The following CNTRL variants were observed in gnomAD, a reference collection of about 807,000 sequenced individuals.
CNTRL encodes 110 kDa centrosomal protein.
In CNTRL, 233 loss-of-function variants were observed where a neutral mutation model predicts 303.7. That is an observed-to-expected ratio of 0.77 (90% confidence interval 0.69 to 0.86). CNTRL has a LOEUF of 0.86. Among genes scored for constraint, CNTRL ranks in the 40% least tolerant of loss-of-function variants. The pLI, the probability that CNTRL is intolerant of heterozygous loss-of-function variation, is 0.00. For missense variants in CNTRL, 2,524 were observed against 2,650.6 expected, an observed-to-expected ratio of 0.95 and a Z score of 1.05; for synonymous variants, 900 against 922.2, an observed-to-expected ratio of 0.98 and a Z score of 0.44.
intron 12 of CNTRL, chr9:121,122,028 A>G (rs10081760): frequency 0.66 from 397,316 of 603,460 alleles, 135,396 homozygotes; most frequent in South Asian, 0.89. Context: ...TGTTTTTACA[A>G]TAACTCTTTT....
At chr9:121,126,081 C>CTT in intron 14 of CNTRL, 145 bp downstream of exon 14, 3 of 551,238 alleles carry the variant, frequency 5.4e-6, no homozygotes, top group Admixed American at 6.6e-5. Flanking sequence ...AACAGTTGGG[C>CTT]TTTTTTTTTT....
intron 25 of CNTRL, chr9:121,150,793 G>C: frequency 3.4e-6 from 1 of 295,128 alleles, no homozygotes; most frequent in South Asian, 5.9e-5. Context: ...ACAGGAGTTA[G>C]GGTCTCAGGC....
At chr9:121,119,080 A>ATGTGTGTGTGTGTG (rs3047904) in intron 12 of CNTRL, among the ~76,000 whole-genome samples, 7 of 148,546 alleles carry the variant, frequency 4.7e-5, no homozygotes, top group African/African-American at 1.7e-4. Flanking sequence ...ACATAAATAT[A>ATGTGTGTGTGTGTG]TGTGTGTGTG....
rs200832609 is a variant in CNTRL, at chr9:121,096,581, G to A, written c.621+18G>A. On this transcript the variant is annotated intron_variant, in intron 6 of 43. Transcript: ENST00000373855. ...TATCATCGGTAAGTTATTCAAAATA[G>A]CAGGAATTTTTAGACTTGTTAAAAA... 1,767 of 1,404,498 alleles carry A rather than the reference G, an allele frequency of 1.3e-3. 10 individuals are homozygous for A. The highest frequency in any genetic ancestry group is 2.8e-3 in the Middle Eastern group (14 of 5,076). The allele number at this position is 1,404,498 out of a possible 1,614,324, so 87.0% of individuals were successfully genotyped here. A position where few individuals can be genotyped will look rare whatever the true frequency, so the allele number is the denominator to read the frequency against.
chr9:121,127,451 T>C (rs1248646482), intron 14 of CNTRL, among the ~76,000 whole-genome samples: 1 of 152,168 alleles, frequency 6.6e-6, no homozygotes, highest in Non-Finnish European at 1.5e-5. Context: ...ATGTGGGGGC[T>C]ACCATTCTTG....
chr9:121,097,583 G>A lies in CNTRL; in HGVS notation c.622-803G>A, dbSNP rs552819045. Among the ~76,000 whole-genome samples the A allele has an allele frequency of 6.8e-3, 541 of 79,526 alleles. 4 individuals carry two copies. Among genetic ancestry groups the A allele is most frequent in the African/African-American group, 0.018 (516 of 28,520 alleles). The allele number at this position is 79,526 out of a possible 152,430, so 52.2% of individuals were successfully genotyped here. A position where few individuals can be genotyped will look rare whatever the true frequency, so the allele number is the denominator to read the frequency against. Reference sequence around the variant, plus strand: ...TGCTTTCTAATTTCATCCTGTGACAGTCAAGAGCCTCAGAGCCCAAGCCCA... The same window carrying A: ...TGCTTTCTAATTTCATCCTGTGACAATCAAGAGCCTCAGAGCCCAAGCCCA... On this transcript the variant is annotated intron_variant, in intron 6 of 43. Transcript: ENST00000373855.
rs2051330625 is a variant in CNTRL at position 121,138,677 on chromosome 9, C to G, written c.2335C>G (p.Gln779Glu). The G allele has an allele frequency of 6.2e-7, 1 of 1,612,972 alleles. No homozygotes were observed. Among genetic ancestry groups the G allele is most frequent in the South Asian group, 1.1e-5 (1 of 90,912 alleles). ...SELHAKLKHL[Q>E]DDNNLLKQQL... The stretch of plus-strand genomic sequence containing the variant: ...GCTCCATGCAAAACTTAAACACTTG[C>G]AGGTAGAGATTTGTTGTTTTAGAAT... Residue 779 changes from glutamine (Q) to glutamate (E), a missense_variant and splice_region_variant, in exon 16 of 44, where the codon CAG becomes GAG. By Grantham distance (29) the Gln-to-Glu change is conservative. Transcript: ENST00000373855.
At chr9:121,122,378 A>T in intron 12 of CNTRL, 1 of 984,864 alleles carries the variant, frequency 1.0e-6, no homozygotes, top group Non-Finnish European at 1.2e-6. Context: ...TTAAGCTGCC[A>T]CTCTTTTGTT....
chr9:121,157,825 G>T lies in CNTRL; in HGVS notation c.4582G>T (p.Ala1528Ser), dbSNP rs761785958. 6.2e-7 allele frequency: 1 copy of T among 1,614,204 alleles called. No individual in the cohort carries two copies. Among genetic ancestry groups the T allele is most frequent in the Admixed American group, 1.7e-5 (1 of 60,010 alleles). The change falls in exon 29 of 44, where the codon GCA (alanine) becomes TCA (serine). Residue 1528 changes from alanine (A) to serine (S), a missense_variant. Transcript: ENST00000373855. ...GAAAGAAATAAACAAAATTGTAGCAGCAAAAGACTCAGACTTCCAATGTTT... is the reference window on the plus strand; with the variant it reads ...GAAAGAAATAAACAAAATTGTAGCATCAAAAGACTCAGACTTCCAATGTTT... ...ILKEINKIVA[A>S]KDSDFQCLSK...
rs112624076 is a variant in CNTRL, at chr9:121,142,997, T to G, written c.2871+727T>G. ...CTGACAAAACTGAAGCTCTCTGCTTTCTTTGGGCCAGCACTTCCACTGGTT... is the reference window on the plus strand; with the variant it reads ...CTGACAAAACTGAAGCTCTCTGCTTGCTTTGGGCCAGCACTTCCACTGGTT... On this transcript the variant is annotated intron_variant, in intron 19 of 43. Transcript: ENST00000373855. Among the ~76,000 whole-genome samples the G allele has an allele frequency of 1.1e-3, 171 of 152,312 alleles. 1 individual carries two copies. Among genetic ancestry groups the G allele is most frequent in the African/African-American group, 2.7e-3 (111 of 41,564 alleles).
chr9:121,124,311 G>T (rs529258183), intron 13 of CNTRL, among the ~76,000 whole-genome samples: 2 of 152,308 alleles, frequency 1.3e-5, no homozygotes, highest in Admixed American at 1.3e-4. Flanking sequence ...GGTCATTCCA[G>T]TCAGTAGGCC....
At chr9:121,087,935 AGAGTGCTCATC>A (rs1415896332) in intron 2 of CNTRL, among the ~76,000 whole-genome samples, 1 of 152,192 alleles carries the variant, frequency 6.6e-6, no homozygotes, top group Non-Finnish European at 1.5e-5. Flanking sequence ...GAGGAAGGAG[AGAGTGCTCATC>A]AGTATTAAAT....
At chr9:121,155,283 G>A (rs1327160469) in intron 27 of CNTRL, among the ~76,000 whole-genome samples, 1 of 151,978 alleles carries the variant, frequency 6.6e-6, no homozygotes, top group African/African-American at 2.4e-5. Context: ...TTTTTAAATA[G>A]GTCAATCTTT....
At chr9:121,141,771 G>GC (rs1412182031) in intron 18 of CNTRL, among the ~76,000 whole-genome samples, 183 bp downstream of exon 18, 1 of 152,196 alleles carries the variant, frequency 6.6e-6, no homozygotes, top group Admixed American at 6.5e-5. Context: ...TCAAAGTCAG[G>GC]CTTGTTTGTG....
intron 19 of CNTRL, 22 bp from the exon 20 acceptor site, chr9:121,143,877 TTTAA>T (rs1336599430): frequency 6.4e-7 from 1 of 1,552,968 alleles, no homozygotes; most frequent in East Asian, 2.3e-5. Context: ...GATTCATCTG[TTTAA>T]TTAATATTTC....
chr9:121,141,428 A>T lies in CNTRL; in HGVS notation c.2531A>T (p.Gln844Leu). ...TTAGGGAAAAGTCTTGCTGATTTAC[A>T]GAAACAATTCAGTGAAATTCTTGCA... ...DVLGKSLADL[Q>L]KQFSEILARS... The change falls in exon 18 of 44, where the codon CAG becomes CTG. Residue 844 changes from glutamine to leucine, a missense_variant. Transcript: ENST00000373855. 6.2e-7 allele frequency: 1 copy of T among 1,614,102 alleles called. No individual in the cohort carries two copies. The highest frequency in any genetic ancestry group is 8.5e-7 in the Non-Finnish European group (1 of 1,179,976).
At chr9:121,136,148 C>CT (rs1381193128) in intron 15 of CNTRL, among the ~76,000 whole-genome samples, 166 bp downstream of exon 15, 1 of 152,064 alleles carries the variant, frequency 6.6e-6, no homozygotes, top group Non-Finnish European at 1.5e-5. Context: ...GTGCTAATAA[C>CT]TACCCCTGTG....
chr9:121,135,810 T>A lies in CNTRL; in HGVS notation c.2030T>A (p.Leu677His). ...AMDAENMRKE[L>H]AELESALQEQ... ...AAACCCACTGAATCTTTCTAGGAGC[T>A]TGCAGAGCTAGAAAGTGCCCTCCAA... The change falls in exon 15 of 44, where the codon CTT becomes CAT. Residue 677 changes from leucine (L) to histidine (H), a missense_variant. Physicochemically the swap from Leu to His is moderately conservative, Grantham distance 99. Coordinates refer to ENST00000373855, the MANE Select transcript of CNTRL (RefSeq NM_007018.6). 2 of 1,609,580 alleles carry A rather than the reference T, an allele frequency of 1.2e-6. No individual in the cohort carries two copies. Among genetic ancestry groups the A allele is most frequent in the Non-Finnish European group, 1.7e-6 (2 of 1,178,064 alleles).
chr9:121,101,898 T>G (rs984352688), intron 7 of CNTRL, among the ~76,000 whole-genome samples: 12 of 152,200 alleles, frequency 7.9e-5, no homozygotes, highest in East Asian at 7.7e-4. Context: ...CTGAAATTGA[T>G]GCAATAATTA....
Sources: allele counts gnomAD v4.1 joint callset (sites outside exome capture counted in the v4.1 genomes callset), GRCh38; gene constraint gnomAD v4.1.1; transcripts MANE v1.5; gene names NCBI Gene and HGNC (gene_info 2026-07-23, HGNC 2026-07-21).